DAB2: variants seen among roughly 807,000 people sequenced by gnomAD.
DAB2 encodes the protein disabled homolog 2.
A neutral mutation model predicts 71.6 loss-of-function variants in DAB2; 28 were observed. The ratio of observed to expected loss-of-function variants is 0.39; its 90% confidence interval spans 0.29 to 0.54. The LOEUF (loss-of-function observed/expected upper bound fraction) is 0.54. DAB2 is among the 20% of genes least tolerant of loss of function. The probability of loss-of-function intolerance (pLI) is 0.68; values close to 1 mark genes in which losing one functional copy is unlikely to be tolerated. For synonymous variants in DAB2, 345 were observed against 339.7 expected (o/e 1.02, Z -0.17); for missense variants, 867 against 928.8 (o/e 0.93, Z 0.86).
Position 39,394,374 on chromosome 5 carries a change from G to A in DAB2, c.-54C>T. 1 of 1,346,062 alleles carries A rather than the reference G, an allele frequency of 7.4e-7. No homozygotes were observed. The highest frequency in any genetic ancestry group is 1.1e-6 in the Non-Finnish European group (1 of 936,070). 83.4% of individuals were successfully genotyped at this position (1,346,062 alleles called of 1,614,324 possible). A position where few individuals can be genotyped will look rare whatever the true frequency, so the allele number is the denominator to read the frequency against. On this transcript the variant is annotated 5_prime_UTR_variant, in exon 2 of 15. Coordinates refer to ENST00000320816, the MANE Select transcript of DAB2 (RefSeq NM_001343.4). The stretch of plus-strand genomic sequence containing the variant: ...ACCAGTGGACACTTGGTGACACCAG[G>A]CGATCCCGATGGAGAAGTCTCAAAT...
At chr5:39,388,247 C>A in intron 9 of DAB2, 58 bp downstream of exon 9, 1 of 1,268,686 alleles carries the variant, frequency 7.9e-7, no homozygotes, top group Non-Finnish European at 1.1e-6. Flanking sequence ...CTGGTTATTG[C>A]CAATTTGAGT....
At chr5:39,408,242 T>A (rs1428656131) in intron 1 of DAB2, 2 of 152,208 alleles carry the variant, frequency 1.3e-5, no homozygotes, top group Admixed American at 1.3e-4. Flanking sequence ...TTTGTTGCAT[T>A]TCTGTATAGA....
At chr5:39,420,444 A>G (rs1240720733) in intron 1 of DAB2, among the ~76,000 whole-genome samples, 3 of 152,094 alleles carry the variant, frequency 2.0e-5, no homozygotes, top group Non-Finnish European at 4.4e-5. Flanking sequence ...CCTTTACTCT[A>G]TGGTTACCTG....
intron 11 of DAB2, among the ~76,000 whole-genome samples, chr5:39,380,932 T>A (rs1754966796): frequency 6.6e-6 from 1 of 152,170 alleles, no homozygotes; most frequent in South Asian, 2.1e-4. Context: ...ACCCTTACCA[T>A]ACACCTAGGA....
chr5:39,384,203 C>A (rs918283589), intron 9 of DAB2, among the ~76,000 whole-genome samples: 1 of 152,182 alleles, frequency 6.6e-6, no homozygotes, highest in African/African-American at 2.4e-5. Context: ...CCTCCTTATC[C>A]TCAGGGAATA....
chr5:39,393,435 A>G (rs561624451), intron 2 of DAB2, 42 bp from the exon 3 acceptor site: 1 of 1,605,006 alleles, frequency 6.2e-7, no homozygotes, highest in East Asian at 2.2e-5. Context: ...TGCTAGTTCT[A>G]ATTATGACCA....
Position 39,377,216 on chromosome 5 carries a change from G to C in DAB2, c.1571C>G (p.Ser524Cys). 6.2e-7 allele frequency: 1 copy of C among 1,614,172 alleles called. No homozygotes were observed. Among genetic ancestry groups the C allele is most frequent in the Non-Finnish European group, 8.5e-7 (1 of 1,180,010 alleles). The change falls in exon 12 of 15, where the codon TCC becomes TGC. Residue 524 changes from serine (S) to cysteine (C), a missense_variant. Physicochemically the swap from Ser to Cys is moderately radical, Grantham distance 112 (BLOSUM62 -1). Transcript: ENST00000320816. ...CATGGCTCCCGGAGCCATTGAAGGG[G>C]ACTGATTGAAGACCAAAGATGCTGT... ...WNTASLVFNQ[S>C]PSMAPGAMMG...
rs1175063316 is a variant in DAB2 at position 39,374,996 on chromosome 5, T to A, written c.*5+18A>T. ...CACAAAAACCCCTGAGACAGGCTTATTAGGATCTTCTACTTACAGAATTTA... is the reference window on the plus strand; with the variant it reads ...CACAAAAACCCCTGAGACAGGCTTAATAGGATCTTCTACTTACAGAATTTA... On this transcript the variant is annotated intron_variant, in intron 14 of 14. Coordinates refer to ENST00000320816, the MANE Select transcript of DAB2 (RefSeq NM_001343.4). The A allele has an allele frequency of 3.3e-6, 5 of 1,534,542 alleles. No individual in the cohort carries two copies. Among genetic ancestry groups the A allele is most frequent in the African/African-American group, 2.7e-5 (2 of 73,232 alleles).
intron 9 of DAB2, among the ~76,000 whole-genome samples, chr5:39,386,923 C>G (rs1755109705): frequency 6.6e-6 from 1 of 152,136 alleles, no homozygotes; most frequent in South Asian, 2.1e-4. Context: ...TCAGGATAAT[C>G]TAGTCTAGTA....
chr5:39,379,814 C>T (rs960708293), intron 11 of DAB2, among the ~76,000 whole-genome samples: 6 of 151,904 alleles, frequency 3.9e-5, no homozygotes, highest in Non-Finnish European at 8.8e-5. Flanking sequence ...AGGATCCCTG[C>T]TAGTGGACAG....
In DAB2 at chr5:39,393,383, C is replaced by T; in HGVS notation, c.102G>A (p.Lys34=). 6.2e-7 allele frequency: 1 copy of T among 1,613,732 alleles called. No homozygotes were observed. The highest frequency in any genetic ancestry group is 8.5e-7 in the Non-Finnish European group (1 of 1,179,904). The change falls in exon 3 of 15, where the codon AAG becomes AAA. Residue 34 remains lysine, a synonymous_variant. Coordinates refer to ENST00000320816, the MANE Select transcript of DAB2 (RefSeq NM_001343.4). The part of the protein sequence containing the change: ...SKKEKKKGPE[K]TDEYLLARFK... Reference sequence around the variant, plus strand: ...ACCTTGCTAAGAGATATTCATCTGTCTTTTCAGGGCCTGAGAAAAGAAAGG... The same window carrying T: ...ACCTTGCTAAGAGATATTCATCTGTTTTTTCAGGGCCTGAGAAAAGAAAGG...
At chr5:39,389,712 A>G in intron 6 of DAB2, 140 bp downstream of exon 6, 1 of 547,178 alleles carries the variant, frequency 1.8e-6, no homozygotes, top group South Asian at 2.1e-5. Context: ...AGGTTTCGCC[A>G]TGTTGGCCAG....
rs1398590940 is a variant in DAB2 at position 39,389,126 on chromosome 5, A to G, written c.544-3T>C. ...ACTGCTTTGCTGGCTTCCTCTATCT[A>G]AAAAGAAAGATACATATTCAGTGAT... On this transcript the variant is annotated splice_region_variant and splice_polypyrimidine_tract_variant and intron_variant, in intron 6 of 14. Coordinates refer to ENST00000320816, the MANE Select transcript of DAB2 (RefSeq NM_001343.4). The G allele has an allele frequency of 6.2e-7, 1 of 1,609,944 alleles. No homozygotes were observed.
rs748278592 is a variant in DAB2 at position 39,389,054 on chromosome 5, A to G, written c.570+43T>C. 6 of 1,598,132 alleles carry G rather than the reference A, an allele frequency of 3.8e-6. No individual in the cohort carries two copies. In the Admixed American group the frequency reaches 5.0e-5, roughly 13 times the overall value. ...GCAGGTAGAAAACAGGGGCTTACGCATGTCACACACATGATTAACAAGAAG... is the reference window on the plus strand; with the variant it reads ...GCAGGTAGAAAACAGGGGCTTACGCGTGTCACACACATGATTAACAAGAAG... On this transcript the variant is annotated intron_variant, in intron 7 of 14. Coordinates refer to ENST00000320816, the MANE Select transcript of DAB2 (RefSeq NM_001343.4).
intron 1 of DAB2, among the ~76,000 whole-genome samples, chr5:39,416,697 C>T (rs777617643): frequency 1.3e-5 from 2 of 152,026 alleles, no homozygotes; most frequent in African/African-American, 4.8e-5. Flanking sequence ...AAGTCTTTAC[C>T]GGCCTCTTAC....
At chr5:39,388,951 C>A in intron 7 of DAB2, 99 bp from the exon 8 acceptor site, 1 of 1,292,098 alleles carries the variant, frequency 7.7e-7, no homozygotes, top group South Asian at 1.2e-5. Context: ...GTTTTGGTAT[C>A]ATCTTTTAAC....
chr5:39,407,174 T>C (rs889135169), intron 1 of DAB2, among the ~76,000 whole-genome samples: 8 of 152,236 alleles, frequency 5.3e-5, no homozygotes, highest in Non-Finnish European at 1.2e-4. Context: ...AGGTTAGATA[T>C]TTCTACCAAA....
rs533050927 is a variant in DAB2 at position 39,422,200 on chromosome 5, C to A, written c.-102+2604G>T. Among the ~76,000 whole-genome samples, 9 of 152,336 alleles carry A rather than the reference C, an allele frequency of 5.9e-5. No homozygotes were observed. The East Asian group carries it at 7.7e-4, about 13-fold the overall frequency. On this transcript the variant is annotated intron_variant, in intron 1 of 14. Transcript: ENST00000320816. The surrounding 1 kb of genome is among the most constrained non-coding windows in gnomAD (Gnocchi z 4.1). ...CAGTGCCAGGGAGAATTTTAAAATA[C>A]CACATCCTGTTACTCAGGTGTTTCA...
rs893870923 is a variant in DAB2, at chr5:39,371,900, G to A, written c.*1531C>T. ...GTTTATAGTGACTGAGTAGGAAGCTGATAGAAAATTATGCCATATATGATC... is the reference window on the plus strand; with the variant it reads ...GTTTATAGTGACTGAGTAGGAAGCTAATAGAAAATTATGCCATATATGATC... On this transcript the variant is annotated 3_prime_UTR_variant, in exon 15 of 15. Transcript: ENST00000320816. 3 of 152,156 alleles carry A rather than the reference G, an allele frequency of 2.0e-5. No homozygotes were observed. Among genetic ancestry groups the A allele is most frequent in the African/African-American group, 4.8e-5 (2 of 41,436 alleles). The allele number at this position is 152,156 out of a possible 1,614,324, so 9.4% of individuals were successfully genotyped here.
Sources: allele counts gnomAD v4.1 joint callset (sites outside exome capture counted in the v4.1 genomes callset), GRCh38; gene constraint gnomAD v4.1.1; non-coding constraint Gnocchi (gnomAD v3.1); transcripts MANE v1.5; gene names NCBI Gene and HGNC (gene_info 2026-07-23, HGNC 2026-07-21).